Variants in PALM2AKAP2 observed in about 807,000 individuals in gnomAD.
The protein encoded by PALM2AKAP2 is PALM2-AKAP2 fusion protein.
A neutral mutation model predicts 71.5 loss-of-function variants in PALM2AKAP2; 37 were observed. The observed-to-expected ratio is 0.52, with a 90% CI of 0.40 to 0.68. The LOEUF is 0.68. Among genes scored for constraint, PALM2AKAP2 ranks in the 30% least tolerant of loss-of-function variants. PALM2AKAP2 has a pLI of 0.00. For synonymous variants in PALM2AKAP2, 468 were observed against 478.8 expected, an observed-to-expected ratio of 0.98 and a Z score of 0.29; for missense variants, 1,224 against 1,191.8, an observed-to-expected ratio of 1.03 and a Z score of -0.40.
intron 1 of PALM2AKAP2, among the ~76,000 whole-genome samples, chr9:109,744,160 C>T (rs796385227): frequency 7.2e-5 from 11 of 152,224 alleles, no homozygotes; most frequent in African/African-American, 2.6e-4. Flanking sequence ...AGAGGATAAA[C>T]TGGAAATCTC....
At chr9:109,946,772 G>A (rs1483507997) in intron 6 of PALM2AKAP2, 1 of 150,840 alleles carries the variant, frequency 6.6e-6, no homozygotes, top group South Asian at 2.1e-4. Context: ...AAAAGGGGGG[G>A]TATCTCATTT....
intron 1 of PALM2AKAP2, among the ~76,000 whole-genome samples, chr9:109,680,180 C>T (rs1317499554): frequency 2.6e-5 from 4 of 152,174 alleles, no homozygotes; most frequent in Non-Finnish European, 5.9e-5. Flanking sequence ...TTCTTCCCAC[C>T]TAGGATATAT....
intron 1 of PALM2AKAP2, chr9:110,090,303 T>C (rs1588102414): frequency 2.2e-6 from 1 of 455,784 alleles, no homozygotes; most frequent in Middle Eastern, 3.4e-4. Flanking sequence ...GATGTCCTAC[T>C]GAAGAAAGGG....
chr9:109,801,181 A>G (rs950516809), intron 1 of PALM2AKAP2, among the ~76,000 whole-genome samples: 1 of 152,168 alleles, frequency 6.6e-6, no homozygotes, highest in East Asian at 1.9e-4. Context: ...AAAGTATAGC[A>G]CCATGTGGGG....
chr9:110,008,368 C>G (rs890334745), intron 6 of PALM2AKAP2, among the ~76,000 whole-genome samples: 2 of 151,764 alleles, frequency 1.3e-5, no homozygotes, highest in Admixed American at 6.6e-5. Context: ...AAAGTATGAG[C>G]CATTCAAGAC....
At chr9:110,002,604 T>C (rs2132282975) in intron 6 of PALM2AKAP2, among the ~76,000 whole-genome samples, 1 of 152,320 alleles carries the variant, frequency 6.6e-6, no homozygotes, top group South Asian at 2.1e-4. Flanking sequence ...TCAGAAGGAA[T>C]GGTACTAGCT....
At chr9:109,791,471 C>G (rs1827110163) in intron 1 of PALM2AKAP2, among the ~76,000 whole-genome samples, 1 of 152,160 alleles carries the variant, frequency 6.6e-6, no homozygotes, top group African/African-American at 2.4e-5. Flanking sequence ...GGAGCCTTTT[C>G]CAGCCTTCCT....
At chr9:109,996,590 T>C (rs189641055) in intron 6 of PALM2AKAP2, among the ~76,000 whole-genome samples, 1 of 152,254 alleles carries the variant, frequency 6.6e-6, no homozygotes, top group South Asian at 2.1e-4. Flanking sequence ...TCCTTCTTCA[T>C]ATACAGAAGG....
chr9:109,768,035 A>AG (rs1564140546), intron 1 of PALM2AKAP2, among the ~76,000 whole-genome samples: 2 of 102,958 alleles, frequency 1.9e-5, no homozygotes, highest in African/African-American at 1.1e-4. Context: ...GAAGGAAAGA[A>AG]AAAGAGGGAA....
intron 1 of PALM2AKAP2, among the ~76,000 whole-genome samples, chr9:109,753,559 A>T (rs1303435636): frequency 6.6e-6 from 1 of 152,196 alleles, no homozygotes; most frequent in Non-Finnish European, 1.5e-5. Context: ...GATGATCTGC[A>T]TGCAAGCAAG....
intron 1 of PALM2AKAP2, among the ~76,000 whole-genome samples, chr9:109,743,479 G>A (rs993206292): frequency 6.6e-6 from 1 of 152,138 alleles, no homozygotes; most frequent in African/African-American, 2.4e-5. Context: ...TGGAGGGCCG[G>A]CATTGATGAA....
Position 110,136,967 on chromosome 9 carries a change from C to A in PALM2AKAP2, c.997C>A (p.Pro333Thr), listed in dbSNP as rs370739252. The change falls in exon 2 of 4, where the codon CCC becomes ACC. Residue 333 changes from proline to threonine, a missense_variant. Coordinates refer to ENST00000374525, the Ensembl canonical transcript of PALM2AKAP2. Reference sequence around the variant, plus strand: ...TGGCATTGCAGCAAAATGGTGGAATCCCCCGCAGGAAAAAACCATCGAGGA... The same window carrying A: ...TGGCATTGCAGCAAAATGGTGGAATACCCCGCAGGAAAAAACCATCGAGGA... The A allele has an allele frequency of 7.4e-6, 12 of 1,613,968 alleles. No homozygotes were observed. The South Asian group carries it at 1.2e-4, about 16-fold the overall frequency.
chr9:110,123,785 T>C (rs1835539862), intron 1 of PALM2AKAP2, among the ~76,000 whole-genome samples: 1 of 152,222 alleles, frequency 6.6e-6, no homozygotes. Flanking sequence ...GGTGTGGTAA[T>C]GGAGTGGGTC....
At chr9:109,990,067 C>CTTTTTTTTTTTTTTTTTTTTTT (rs35739397) in intron 6 of PALM2AKAP2, among the ~76,000 whole-genome samples, 7 of 134,112 alleles carry the variant, frequency 5.2e-5, no homozygotes, top group Non-Finnish European at 6.4e-5. Flanking sequence ...TTCTTTCTTT[C>CTTTTTTTTTTTTTTTTTTTTTT]TTTTTTTTTT....
chr9:109,887,340 C>T (rs961434524), intron 3 of PALM2AKAP2, among the ~76,000 whole-genome samples: 2 of 152,214 alleles, frequency 1.3e-5, no homozygotes, highest in African/African-American at 2.4e-5. Context: ...TTCTTTTGAG[C>T]AGGGAGGGGA....
chr9:110,002,159 G>C (rs950446730), intron 6 of PALM2AKAP2, among the ~76,000 whole-genome samples: 2 of 152,120 alleles, frequency 1.3e-5, no homozygotes, highest in African/African-American at 4.8e-5. Context: ...GTTTGTCATA[G>C]ATAGCTCTTA....
chr9:109,979,066 T>G (rs888205562), intron 6 of PALM2AKAP2, among the ~76,000 whole-genome samples: 1 of 151,948 alleles, frequency 6.6e-6, no homozygotes, highest in Non-Finnish European at 1.5e-5. Flanking sequence ...CTTGGCTCAC[T>G]GCAACCTCCT....
At chr9:109,838,962 A>C (rs551916796) in intron 1 of PALM2AKAP2, among the ~76,000 whole-genome samples, 1 of 152,246 alleles carries the variant, frequency 6.6e-6, no homozygotes, top group South Asian at 2.1e-4. Flanking sequence ...TGGTACAAGG[A>C]GGAGCTGGTA....
chr9:110,170,357 T>C (rs1836832148), exon 4 of PALM2AKAP2: 1 of 152,684 alleles, frequency 6.5e-6, no homozygotes, highest in African/African-American at 2.4e-5. Flanking sequence ...TTCTAACAAG[T>C]AGCAATTTCA....
Sources: gnomAD v4.1 joint callset for allele counts (sites outside exome capture counted in the v4.1 genomes callset) on GRCh38, gnomAD v4.1.1 for gene constraint, MANE v1.5 for transcripts, NCBI Gene and HGNC (gene_info 2026-07-23, HGNC 2026-07-21) for gene names.